The following SPAG1 variants were observed in gnomAD, a reference collection of about 807,000 sequenced individuals.
The protein encoded by SPAG1 is sperm-associated antigen 1.
A neutral mutation model predicts 100.5 loss-of-function variants in SPAG1; 69 were observed. The ratio of observed to expected loss-of-function variants is 0.69; its 90% CI spans 0.57 to 0.84. SPAG1 has a LOEUF of 0.84. Among genes scored for constraint, SPAG1 ranks in the 40% least tolerant of loss-of-function variants. SPAG1 has a pLI of 0.00. For missense variants in SPAG1, 955 were observed against 1,133.1 expected (o/e 0.84, Z 2.26); for synonymous variants, 336 against 411.6 (o/e 0.82, Z 2.22).
In SPAG1 at chr8:100,240,674, T is replaced by A. The variant is rs1198717634; in HGVS notation, c.2552T>A (p.Leu851His). ...LSNKLEGDTFLLLIQSLKNNL... is the reference protein window; with the variant it reads ...LSNKLEGDTFHLLIQSLKNNL... ...AACAAACTTGAAGGGGATACATTCCTTCTCCTCATTCAGTCTCTGAAAAAT... is the reference window on the plus strand; with the variant it reads ...AACAAACTTGAAGGGGATACATTCCATCTCCTCATTCAGTCTCTGAAAAAT... The change falls in exon 18 of 19, where the codon CTT becomes CAT. Residue 851 changes from leucine (L) to histidine (H), a missense_variant. Coordinates refer to ENST00000388798, the MANE Select transcript of SPAG1 (RefSeq NM_003114.5). 4.3e-6 allele frequency: 7 copies of A among 1,614,046 alleles called. No individual in the cohort carries two copies. The highest frequency in any genetic ancestry group is 5.9e-6 in the Non-Finnish European group (7 of 1,180,022).
intron 13 of SPAG1, among the ~76,000 whole-genome samples, chr8:100,224,001 T>G (rs1384634407): frequency 1.3e-5 from 2 of 152,326 alleles, no homozygotes; most frequent in Admixed American, 6.5e-5. Flanking sequence ...CTAACTTGAA[T>G]TTATTCTGCT....
At chr8:100,175,755 C>G (rs1816087142) in intron 3 of SPAG1, among the ~76,000 whole-genome samples, 1 of 152,056 alleles carries the variant, frequency 6.6e-6, no homozygotes, top group Non-Finnish European at 1.5e-5. Context: ...AAAGGCAGTC[C>G]CTTAGTGGCA....
chr8:100,168,940 G>A (rs2132210912), intron 3 of SPAG1, among the ~76,000 whole-genome samples: 1 of 152,022 alleles, frequency 6.6e-6, no homozygotes, highest in South Asian at 2.1e-4. Flanking sequence ...GCCCATCTCG[G>A]CCTCCCAAAG....
intron 2 of SPAG1, among the ~76,000 whole-genome samples, chr8:100,163,704 T>G (rs955627105): frequency 2.0e-5 from 3 of 152,222 alleles, no homozygotes; most frequent in Non-Finnish European, 4.4e-5. Flanking sequence ...GCTTCCTTTC[T>G]TCCCTGTTGG....
chr8:100,202,421 A>G (rs1325598974), intron 10 of SPAG1, among the ~76,000 whole-genome samples: 2 of 151,688 alleles, frequency 1.3e-5, no homozygotes, highest in Non-Finnish European at 2.9e-5. Context: ...TCAAGAATCA[A>G]CTGGCCAGGC....
chr8:100,228,665 A>T (rs990427617), intron 14 of SPAG1, among the ~76,000 whole-genome samples: 13 of 152,208 alleles, frequency 8.5e-5, no homozygotes, highest in African/African-American at 2.9e-4. Flanking sequence ...GTGAGCCGAG[A>T]TTGCACCACT....
At chr8:100,179,063 CAA>C (rs34312235) in intron 4 of SPAG1, among the ~76,000 whole-genome samples, 9 of 112,018 alleles carry the variant, frequency 8.0e-5, no homozygotes, top group African/African-American at 1.0e-4. Context: ...TCCTCTGTCT[CAA>C]AAAAAAAAAA....
intron 5 of SPAG1, 111 bp downstream of exon 5, chr8:100,183,547 C>G (rs1161052323): frequency 1.8e-6 from 1 of 554,162 alleles, no homozygotes; most frequent in Non-Finnish European, 3.2e-6. Flanking sequence ...GTCAAGAATA[C>G]CAAATTACTT....
In SPAG1 at chr8:100,235,782, G is replaced by A. The variant is rs868184835; in HGVS notation, c.2115+2245G>A. ...ACCCCCGTGCTGCCCTGTGACCCCC[G>A]CCCCATGCTGAGGGAGCCACACAGT... On this transcript the variant is annotated intron_variant, in intron 16 of 18. Transcript: ENST00000388798. Among the ~76,000 whole-genome samples, 8 of 151,918 alleles carry A rather than the reference G, an allele frequency of 5.3e-5. No homozygotes were observed. The East Asian group carries it at 1.2e-3, about 22-fold the overall frequency.
chr8:100,184,076 AAAT>A lies in SPAG1; in HGVS notation c.595+21_595+23del, dbSNP rs770372804. 8.3e-6 allele frequency: 10 copies of A among 1,200,814 alleles called. No individual in the cohort carries two copies. The highest frequency in any genetic ancestry group is 2.6e-5 in the East Asian group (1 of 38,320). 74.4% of individuals were successfully genotyped at this position (1,200,814 alleles called of 1,614,324 possible). A position where few individuals can be genotyped will look rare whatever the true frequency, so the allele number is the denominator to read the frequency against. On this transcript the variant is annotated intron_variant, in intron 6 of 18. Transcript: ENST00000388798. ...TAGATACAGCAGGTAATTGGAGAAA[AAAT>A]AATAATTTAGTAGTCTTTAAAGTTT... is the stretch of plus-strand genomic sequence containing the variant.
At chr8:100,223,342 T>C (rs1189984969) in intron 13 of SPAG1, among the ~76,000 whole-genome samples, 6 of 152,180 alleles carry the variant, frequency 3.9e-5, no homozygotes, top group Non-Finnish European at 8.8e-5. Context: ...TGTATTATAT[T>C]TGTTATATGT....
intron 12 of SPAG1, among the ~76,000 whole-genome samples, chr8:100,216,955 G>C (rs1190875958): frequency 2.6e-5 from 1 of 39,086 alleles, no homozygotes; most frequent in African/African-American, 9.8e-5. Flanking sequence ...TTTTTTTTTT[G>C]AGACTGAGTC....
intron 10 of SPAG1, among the ~76,000 whole-genome samples, chr8:100,202,050 T>C (rs1817299125): frequency 6.6e-6 from 1 of 152,152 alleles, no homozygotes; most frequent in South Asian, 2.1e-4. Flanking sequence ...GGAGACAGCC[T>C]TGGGGACTAA....
rs186720272 is a variant in SPAG1 at position 100,180,106 on chromosome 8, T to G, written c.426+2165T>G. On this transcript the variant is annotated intron_variant, in intron 4 of 18. Coordinates refer to ENST00000388798, the MANE Select transcript of SPAG1 (RefSeq NM_003114.5). Reference sequence around the variant, plus strand: ...CAGCACTTTGGGAGGCCAAGGCGGGTGGATCACTTGAGCCCAGGAGTTCGA... The same window carrying G: ...CAGCACTTTGGGAGGCCAAGGCGGGGGGATCACTTGAGCCCAGGAGTTCGA... 8.5e-5 allele frequency among the ~76,000 whole-genome samples: 13 copies of G among 152,112 alleles called. No homozygotes were observed. The East Asian group carries it at 2.5e-3, about 29-fold the overall frequency.
chr8:100,170,841 A>ATTTT (rs1335427712), intron 3 of SPAG1, among the ~76,000 whole-genome samples: 129 of 91,056 alleles, frequency 1.4e-3, no homozygotes, highest in African/African-American at 4.5e-3. Flanking sequence ...TTATTTATTT[A>ATTTT]TTTATTTATT....
At chr8:100,184,800 C>A in intron 7 of SPAG1, 67 bp downstream of exon 7, 1 of 893,646 alleles carries the variant, frequency 1.1e-6, no homozygotes, top group Non-Finnish European at 1.7e-6. Context: ...ATTGTTGAAA[C>A]AATATAAATA....
At chr8:100,194,091 A>C in intron 9 of SPAG1, 21 bp from the exon 10 acceptor site, 1 of 1,343,826 alleles carries the variant, frequency 7.4e-7, no homozygotes, top group Non-Finnish European at 1.0e-6. Context: ...TATTTTCTTT[A>C]ATATGGTAAT....
At chr8:100,238,792 T>C (rs1429548527) in intron 16 of SPAG1, among the ~76,000 whole-genome samples, 1 of 152,236 alleles carries the variant, frequency 6.6e-6, no homozygotes, top group East Asian at 1.9e-4. Context: ...TATTTCTTGG[T>C]ACAGCCTTGT....
rs1816200694 is a variant in SPAG1, at chr8:100,177,932, T to G, written c.417T>G (p.His139Gln). 3.1e-6 allele frequency: 5 copies of G among 1,612,318 alleles called. No homozygotes were observed. Among genetic ancestry groups the G allele is most frequent in the Non-Finnish European group, 4.2e-6 (5 of 1,178,802 alleles). ...PPVRGSNSCL[H>Q]VGKEKYSKRP... ...TTCGTGGTTCAAACAGCTGTCTTCA[T>G]GTAGGCAAGGTAGGCTTCTTTGATA... Residue 139 changes from histidine (H) to glutamine (Q), a missense_variant, in exon 4 of 19, where the codon CAT (histidine) becomes CAG (glutamine). By Grantham distance (24) the His-to-Gln change is conservative. Coordinates refer to ENST00000388798, the MANE Select transcript of SPAG1 (RefSeq NM_003114.5).
Sources: allele counts gnomAD v4.1 joint callset (sites outside exome capture counted in the v4.1 genomes callset), GRCh38; gene constraint gnomAD v4.1.1; transcripts MANE v1.5; gene names NCBI Gene and HGNC (gene_info 2026-07-23, HGNC 2026-07-21).